The following COPS7B variants were observed in gnomAD, a reference collection of about 807,000 sequenced individuals.
COPS7B encodes the protein COP9 signalosome subunit 7B, also known as COP9 signalosome complex subunit 7b.
A neutral mutation model predicts 33.4 loss-of-function variants in COPS7B; 9 were observed. The ratio of observed to expected loss-of-function variants is 0.27; its 90% CI spans 0.16 to 0.47. The LOEUF is 0.47. Among genes scored for constraint, COPS7B ranks in the 20% least tolerant of loss-of-function variants. The pLI is 0.99. For missense variants in COPS7B, 242 were observed against 318.2 expected (o/e 0.76, Z 1.82); for synonymous variants, 119 against 126.3 (o/e 0.94, Z 0.39).
In COPS7B at chr2:231,786,552, A is replaced by G; in HGVS notation, c.-17+14A>G. On this transcript the variant is annotated intron_variant, in intron 1 of 6. Transcript: ENST00000350033. ...TGGCGTGGACAGGTAGGAGCTAGCG[A>G]GAGGGTGGGCCGAGCGGGGCCGGCG... 8 of 979,560 alleles carry G rather than the reference A, an allele frequency of 8.2e-6. No individual in the cohort carries two copies. The highest frequency in any genetic ancestry group is 9.7e-6 in the Non-Finnish European group (8 of 824,512). 60.7% of individuals were successfully genotyped at this position (979,560 alleles called of 1,614,324 possible). A position where few individuals can be genotyped will look rare whatever the true frequency, so the allele number is the denominator to read the frequency against.
chr2:231,801,846 A>G (rs899323981), intron 6 of COPS7B, among the ~76,000 whole-genome samples: 1 of 151,826 alleles, frequency 6.6e-6, no homozygotes, highest in Non-Finnish European at 1.5e-5. Flanking sequence ...ATCTTGGCTC[A>G]CTACTGCAAC....
upstream of COPS7B, among the ~76,000 whole-genome samples, chr2:231,782,289 T>C (rs2049149077): frequency 6.6e-6 from 1 of 152,266 alleles, no homozygotes. Flanking sequence ...CTATCCACTG[T>C]TGAAACACCC....
In COPS7B at chr2:231,788,557, T is replaced by G; in HGVS notation, c.-14T>G. The G allele has an allele frequency of 6.2e-7, 1 of 1,612,658 alleles. No individual in the cohort carries two copies. Among genetic ancestry groups the G allele is most frequent in the East Asian group, 2.2e-5 (1 of 44,886 alleles). On this transcript the variant is annotated splice_region_variant and 5_prime_UTR_variant, in exon 2 of 7. It adds an upstream start codon to the 5' untranslated region. Coordinates refer to ENST00000350033, the MANE Select transcript of COPS7B (RefSeq NM_022730.4). Reference sequence around the variant, plus strand: ...TGACACAATTTTCTTTTGGACAGATTTCAAGGCCAGAGAATGGCAGGGGAA... The same window carrying G: ...TGACACAATTTTCTTTTGGACAGATGTCAAGGCCAGAGAATGGCAGGGGAA...
At chr2:231,798,491 G>A (rs936852828) in intron 5 of COPS7B, among the ~76,000 whole-genome samples, 4 of 152,028 alleles carry the variant, frequency 2.6e-5, no homozygotes, top group African/African-American at 9.7e-5. Context: ...TCCTGACCTG[G>A]TGATCCACCC....
rs746650324 is a variant in COPS7B, at chr2:231,807,571, C to A, written c.721C>A (p.Pro241Thr). 3.1e-6 allele frequency: 5 copies of A among 1,609,374 alleles called. No homozygotes were observed. The highest frequency in any genetic ancestry group is 1.7e-4 in the Middle Eastern group (1 of 6,058). The stretch of plus-strand genomic sequence containing the variant: ...GCAGCAGCTGGCTGAACGGGAGTGT[C>A]CCCCTCACGCTGAGCAGAGGCAGCC... ...MEQQLAEREC[P>T]PHAEQRQPTK... Residue 241 changes from proline (P) to threonine (T), a missense_variant, in exon 7 of 7, where the codon CCC becomes ACC. By Grantham distance (38) the Pro-to-Thr change is conservative. Transcript: ENST00000350033.
chr2:231,792,088 T>C (rs2049434213), intron 3 of COPS7B: 1 of 609,058 alleles, frequency 1.6e-6, no homozygotes, highest in Non-Finnish European at 3.2e-6. Flanking sequence ...TGTAGGGCTC[T>C]TGGAGTGCTG....
intron 6 of COPS7B, among the ~76,000 whole-genome samples, chr2:231,802,592 A>G (rs10185448): frequency 0.027 from 4,160 of 152,344 alleles, 134 homozygotes; most frequent in African/African-American, 0.074. Context: ...AATTTAGGTA[A>G]AAGAAGACAA....
chr2:231,792,135 A>G, intron 3 of COPS7B: 2 of 498,856 alleles, frequency 4.0e-6, no homozygotes, highest in Non-Finnish European at 7.9e-6. Flanking sequence ...ATGTTTCAAC[A>G]TTTTAAATAT....
rs1331070045 is a variant in COPS7B, at chr2:231,808,516, G to T, written c.*871G>T. On this transcript the variant is annotated 3_prime_UTR_variant, in exon 7 of 7. Transcript: ENST00000350033. ...CCTGGGTAGGGATGGTGGCATCGATGCCCCTCTGTCTGCTGAAGGACCTGT... is the reference window on the plus strand; with the variant it reads ...CCTGGGTAGGGATGGTGGCATCGATTCCCCTCTGTCTGCTGAAGGACCTGT... 1 of 471,262 alleles carries T rather than the reference G, an allele frequency of 2.1e-6. No individual in the cohort carries two copies. Among genetic ancestry groups the T allele is most frequent in the Admixed American group, 2.3e-5 (1 of 42,572 alleles). 29.2% of individuals were successfully genotyped at this position (471,262 alleles called of 1,614,324 possible). A position where few individuals can be genotyped will look rare whatever the true frequency, so the allele number is the denominator to read the frequency against.
At chr2:231,796,594 C>G (rs1054151505) in intron 5 of COPS7B, among the ~76,000 whole-genome samples, 1 of 152,164 alleles carries the variant, frequency 6.6e-6, no homozygotes, top group Non-Finnish European at 1.5e-5. Flanking sequence ...GCAGGTGGAG[C>G]CTATGTGTCC....
intron 3 of COPS7B, chr2:231,792,075 G>GTTTGTAGGGCTC (rs1203182057): frequency 3.2e-6 from 2 of 627,360 alleles, no homozygotes; most frequent in Non-Finnish European, 6.1e-6. Flanking sequence ...GAGGACTGGT[G>GTTTGTAGGGCTC]TTTGTAGGGC....
At chr2:231,791,688 T>G (rs1484703307) in intron 2 of COPS7B, 45 bp from the exon 3 acceptor site, 1 of 1,516,386 alleles carries the variant, frequency 6.6e-7, no homozygotes, top group East Asian at 2.3e-5. Flanking sequence ...CTACAGTGAT[T>G]GGTAGACAGT....
At chr2:231,795,846 A>G (rs2049551336) in intron 4 of COPS7B, among the ~76,000 whole-genome samples, 1 of 152,168 alleles carries the variant, frequency 6.6e-6, no homozygotes, top group African/African-American at 2.4e-5. Context: ...TAGGATCTCT[A>G]CAAGTATGCT....
intron 1 of COPS7B, among the ~76,000 whole-genome samples, chr2:231,787,190 CGTT>C (rs756946318): frequency 1.3e-5 from 2 of 152,140 alleles, no homozygotes; most frequent in Non-Finnish European, 2.9e-5. Flanking sequence ...TCCTCAAACT[CGTT>C]GTTCCCCAGC....
intron 3 of COPS7B, 33 bp from the exon 4 acceptor site, chr2:231,794,230 G>A: frequency 6.3e-7 from 1 of 1,579,898 alleles, no homozygotes; most frequent in Non-Finnish European, 8.7e-7. Context: ...TTTATTTTGT[G>A]TCTTGATTTT....
chr2:231,794,897 C>T (rs1379288407), intron 4 of COPS7B, among the ~76,000 whole-genome samples: 4 of 151,446 alleles, frequency 2.6e-5, no homozygotes, highest in East Asian at 3.9e-4. Context: ...GGATTACAGG[C>T]GTGGACCACC....
chr2:231,806,936 G>A lies in COPS7B; in HGVS notation c.637-551G>A, dbSNP rs964332014. Among the ~76,000 whole-genome samples the A allele has an allele frequency of 3.9e-5, 6 of 152,224 alleles. No individual in the cohort carries two copies. In the South Asian group the frequency reaches 8.3e-4, roughly 21 times the overall value. ...GATATCTGTTCTGACGTGGTAAAATGTTCAAGAGCTGCTTAAGTATTTACG... is the reference window on the plus strand; with the variant it reads ...GATATCTGTTCTGACGTGGTAAAATATTCAAGAGCTGCTTAAGTATTTACG... On this transcript the variant is annotated intron_variant, in intron 6 of 6. Transcript: ENST00000350033.
chr2:231,803,793 A>C (rs765113767), intron 6 of COPS7B, among the ~76,000 whole-genome samples: 1 of 152,232 alleles, frequency 6.6e-6, no homozygotes, highest in Non-Finnish European at 1.5e-5. Context: ...AGTGAGAACC[A>C]TGAGTTTGTG....
At chr2:231,783,360 T>C (rs1490047937), upstream of COPS7B, among the ~76,000 whole-genome samples, 1 of 152,168 alleles carries the variant, frequency 6.6e-6, no homozygotes, top group Non-Finnish European at 1.5e-5. Flanking sequence ...TTTTTCAAAA[T>C]GATTGTACCA....
Sources: gnomAD v4.1 joint callset for allele counts (sites outside exome capture counted in the v4.1 genomes callset) on GRCh38, gnomAD v4.1.1 for gene constraint, MANE v1.5 for transcripts, NCBI Gene and HGNC (gene_info 2026-07-23, HGNC 2026-07-21) for gene names.